LUZP2: variants seen among roughly 807,000 people sequenced by gnomAD.
The protein encoded by LUZP2 is leucine zipper protein 2.
Under a neutral mutation model 51.6 loss-of-function variants are expected in LUZP2, and 52 were observed. That is an observed-to-expected ratio of 1.01 (90% CI 0.81 to 1.27). The LOEUF (loss-of-function observed/expected upper bound fraction) is 1.27. LUZP2 is among the 50% of genes most tolerant of loss of function. The pLI is 0.00. For synonymous variants in LUZP2, 154 were observed against 137.3 expected (o/e 1.12, Z -0.85); for missense variants, 436 against 395.4 (o/e 1.10, Z -0.87).
At chr11:24,846,640 T>C (rs1851207801) in intron 5 of LUZP2, among the ~76,000 whole-genome samples, 1 of 152,144 alleles carries the variant, frequency 6.6e-6, no homozygotes, top group Non-Finnish European at 1.5e-5. Flanking sequence ...CAGGCTTTCA[T>C]GGCTTCTGGG....
intron 5 of LUZP2, among the ~76,000 whole-genome samples, chr11:24,814,110 A>G (rs892103771): frequency 6.6e-6 from 1 of 152,208 alleles, no homozygotes; most frequent in Non-Finnish European, 1.5e-5. Flanking sequence ...AAACTTGCTT[A>G]TTTATTTTCT....
chr11:24,948,194 T>C (rs992543484), intron 7 of LUZP2, among the ~76,000 whole-genome samples: 6 of 151,724 alleles, frequency 4.0e-5, no homozygotes, highest in African/African-American at 7.2e-5. Context: ...AGGACAAATA[T>C]AGCGTTGAGC....
At chr11:24,560,164 G>C (rs2133769784) in intron 1 of LUZP2, among the ~76,000 whole-genome samples, 1 of 152,238 alleles carries the variant, frequency 6.6e-6, no homozygotes, top group South Asian at 2.1e-4. Flanking sequence ...CTACATAAGA[G>C]AAGCTCTTAA....
chr11:25,030,872 ATG>A (rs1239758752), intron 9 of LUZP2, among the ~76,000 whole-genome samples: 6 of 123,636 alleles, frequency 4.9e-5, no homozygotes, highest in African/African-American at 1.7e-4. Flanking sequence ...GTTTGTGTAT[ATG>A]TGTGTTACTA....
At chr11:24,557,992 T>C (rs193074604) in intron 1 of LUZP2, among the ~76,000 whole-genome samples, 2 of 152,186 alleles carry the variant, frequency 1.3e-5, no homozygotes, top group East Asian at 3.9e-4. Flanking sequence ...GTGTGTGAGT[T>C]GGTAAACTTA....
chr11:24,890,801 A>G, intron 5 of LUZP2: 3 of 565,088 alleles, frequency 5.3e-6, no homozygotes, highest in Non-Finnish European at 2.2e-6. Flanking sequence ...ACATATGTAC[A>G]TATTTATATG....
At chr11:24,669,982 T>G (rs1856350154) in intron 1 of LUZP2, among the ~76,000 whole-genome samples, 1 of 152,086 alleles carries the variant, frequency 6.6e-6, no homozygotes, top group Non-Finnish European at 1.5e-5. Context: ...TATGTTTATC[T>G]GGCTACATTC....
intron 5 of LUZP2, among the ~76,000 whole-genome samples, chr11:24,899,251 T>C (rs192767805): frequency 6.6e-6 from 1 of 152,256 alleles, no homozygotes; most frequent in East Asian, 1.9e-4. Flanking sequence ...AGATTTATTA[T>C]ATATCTTATA....
At chr11:24,938,087 T>C (rs1004826805) in intron 7 of LUZP2, among the ~76,000 whole-genome samples, 1 of 152,116 alleles carries the variant, frequency 6.6e-6, no homozygotes, top group South Asian at 2.1e-4. Flanking sequence ...AATGTATTTG[T>C]TTAATTTATT....
intron 5 of LUZP2, among the ~76,000 whole-genome samples, chr11:24,826,186 A>ATATAT (rs1330208354): frequency 0.028 from 690 of 24,302 alleles, 9 homozygotes; most frequent in African/African-American, 0.089. Flanking sequence ...AAAAAAAAAA[A>ATATAT]AAAAATATAT....
chr11:24,730,940 T>A (rs1565103957), intron 2 of LUZP2, among the ~76,000 whole-genome samples: 10 of 151,800 alleles, frequency 6.6e-5, no homozygotes, highest in Admixed American at 2.0e-4. Flanking sequence ...TGCCAGGTCA[T>A]AAGACCATGA....
chr11:24,503,992 A>G (rs1184012449), intron 1 of LUZP2, among the ~76,000 whole-genome samples: 1 of 152,168 alleles, frequency 6.6e-6, no homozygotes, highest in African/African-American at 2.4e-5. Flanking sequence ...TTGAAGAATG[A>G]GCTGGCCTAA....
At chr11:24,990,875 C>G (rs572259097) in intron 9 of LUZP2, among the ~76,000 whole-genome samples, 3 of 152,098 alleles carry the variant, frequency 2.0e-5, no homozygotes, top group African/African-American at 4.8e-5. Context: ...CTTCTACCCC[C>G]CTTTCATGGG....
At chr11:24,754,868 G>T (rs1278572278) in intron 4 of LUZP2, among the ~76,000 whole-genome samples, 1 of 152,148 alleles carries the variant, frequency 6.6e-6, no homozygotes, top group Non-Finnish European at 1.5e-5. Context: ...GACACTGGCT[G>T]GGCTTGGTGG....
chr11:24,530,475 G>A (rs1207605797), intron 1 of LUZP2, among the ~76,000 whole-genome samples: 2 of 150,580 alleles, frequency 1.3e-5, no homozygotes, highest in African/African-American at 4.8e-5. Context: ...ATCTTCTATA[G>A]TAAACATAAA....
intron 9 of LUZP2, among the ~76,000 whole-genome samples, chr11:25,002,508 A>T (rs1856713538): frequency 6.6e-6 from 1 of 152,102 alleles, no homozygotes; most frequent in African/African-American, 2.4e-5. Context: ...GATATCCATA[A>T]ACTTCCTTTG....
intron 1 of LUZP2, among the ~76,000 whole-genome samples, chr11:24,574,896 C>A (rs1455913866): frequency 6.6e-6 from 1 of 151,882 alleles, no homozygotes; most frequent in Middle Eastern, 3.2e-3. Flanking sequence ...TTTAAAATTG[C>A]AAGTTTGTAA....
chr11:24,505,589 A>G (rs1291250539), intron 1 of LUZP2, among the ~76,000 whole-genome samples: 1 of 152,316 alleles, frequency 6.6e-6, no homozygotes, highest in Non-Finnish European at 1.5e-5. Flanking sequence ...CATTTCAGCA[A>G]GAGAGATCAT....
intron 1 of LUZP2, among the ~76,000 whole-genome samples, chr11:24,549,055 C>G (rs1017349835): frequency 6.6e-6 from 1 of 151,846 alleles, no homozygotes; most frequent in Admixed American, 6.6e-5. Context: ...CTTACTGTAA[C>G]TTTTTTTACT....
Sources: allele counts gnomAD v4.1 joint callset (sites outside exome capture counted in the v4.1 genomes callset), GRCh38; gene constraint gnomAD v4.1.1; transcripts MANE v1.5; gene names NCBI Gene and HGNC (gene_info 2026-07-23, HGNC 2026-07-21).